Variants in TMEM163 observed in about 807,000 individuals in gnomAD.
TMEM163 encodes transmembrane protein 163.
A neutral mutation model predicts 29.3 loss-of-function variants in TMEM163; 17 were observed. The observed-to-expected ratio is 0.58, with a 90% CI of 0.40 to 0.87. TMEM163 has a LOEUF of 0.87. Ranked by LOEUF, TMEM163 falls within the 40% of genes least tolerant of loss-of-function variation. The pLI, the probability that TMEM163 is intolerant of heterozygous loss-of-function variation, is 0.00. For missense variants in TMEM163, 303 were observed against 381.5 expected (o/e 0.79, Z 1.71); for synonymous variants, 157 against 160.6 (o/e 0.98, Z 0.17).
At chr2:134,579,578 C>A (rs1279775374) in intron 2 of TMEM163, among the ~76,000 whole-genome samples, 3 of 151,618 alleles carry the variant, frequency 2.0e-5, no homozygotes, top group African/African-American at 4.8e-5. Context: ...CCTTTTTTTT[C>A]TTTTTCCTGT....
At chr2:134,715,865 T>C (rs1038482242) in intron 1 of TMEM163, among the ~76,000 whole-genome samples, 1 of 152,220 alleles carries the variant, frequency 6.6e-6, no homozygotes, top group African/African-American at 2.4e-5. Context: ...CTGGCCCCCA[T>C]ATTTGAATTT....
chr2:134,587,571 A>T (rs1681850409), intron 2 of TMEM163, among the ~76,000 whole-genome samples: 1 of 152,196 alleles, frequency 6.6e-6, no homozygotes. Flanking sequence ...GACACAAGAG[A>T]ACCCAGACAC....
chr2:134,502,778 C>A (rs890613465), intron 5 of TMEM163, 123 bp downstream of exon 5: 15 of 739,942 alleles, frequency 2.0e-5, no homozygotes, highest in Non-Finnish European at 3.3e-5. Context: ...GTTCTTCTGA[C>A]CCCCAGAATG....
intron 2 of TMEM163, among the ~76,000 whole-genome samples, chr2:134,560,837 A>G (rs1176393823): frequency 6.6e-6 from 1 of 152,238 alleles, no homozygotes; most frequent in Non-Finnish European, 1.5e-5. Context: ...GTTCCAAAGC[A>G]GGGATCGGCA....
Position 134,512,144 on chromosome 2 carries a change from G to T in TMEM163, c.459-9147C>A, listed in dbSNP as rs757900812. 3.2e-4 allele frequency among the ~76,000 whole-genome samples: 49 copies of T among 152,160 alleles called. 1 individual carries two copies. The highest frequency in any genetic ancestry group is 4.0e-4 in the Non-Finnish European group (27 of 68,038). On this transcript the variant is annotated intron_variant, in intron 4 of 7. Coordinates refer to ENST00000281924, the MANE Select transcript of TMEM163 (RefSeq NM_030923.5). ...CCTTTTCCTCCAAGTAGAGAAAGGG[G>T]GCATTTAAATCACACAAAAATATTC...
chr2:134,472,561 A>G (rs1347199264), intron 5 of TMEM163, among the ~76,000 whole-genome samples: 1 of 152,244 alleles, frequency 6.6e-6, no homozygotes, highest in Admixed American at 6.5e-5. Context: ...AAAAGTACAC[A>G]TCTACCCTTT....
chr2:134,632,980 G>A (rs551927105), intron 2 of TMEM163, among the ~76,000 whole-genome samples: 8 of 146,148 alleles, frequency 5.5e-5, no homozygotes, highest in African/African-American at 1.8e-4. Flanking sequence ...GGATGGTCTC[G>A]ATCTCCTGAC....
chr2:134,481,510 C>T (rs1434474629), intron 5 of TMEM163, among the ~76,000 whole-genome samples: 3 of 152,162 alleles, frequency 2.0e-5, no homozygotes, highest in African/African-American at 4.8e-5. Context: ...TGCCTTTCAC[C>T]TTCCACCATG....
intron 2 of TMEM163, among the ~76,000 whole-genome samples, chr2:134,562,227 C>T (rs990973039): frequency 6.6e-6 from 1 of 152,176 alleles, no homozygotes; most frequent in African/African-American, 2.4e-5. Flanking sequence ...TGCTCCTTGC[C>T]TTCTCCCAAG....
chr2:134,572,228 T>C (rs1307450059), intron 2 of TMEM163, among the ~76,000 whole-genome samples: 1 of 152,182 alleles, frequency 6.6e-6, no homozygotes, highest in East Asian at 1.9e-4. Flanking sequence ...AGAGAAGATG[T>C]CGTCAGCCAC....
At chr2:134,593,246 T>C (rs1681979157) in intron 2 of TMEM163, among the ~76,000 whole-genome samples, 1 of 152,182 alleles carries the variant, frequency 6.6e-6, no homozygotes. Context: ...TGTCAGCTTC[T>C]TGGAAAATAT....
At chr2:134,647,431 G>A (rs555324787) in intron 2 of TMEM163, among the ~76,000 whole-genome samples, 80 of 152,236 alleles carry the variant, frequency 5.3e-4, no homozygotes, top group African/African-American at 1.8e-3. Flanking sequence ...ACCAACCTCC[G>A]AAATCACTGA....
intron 2 of TMEM163, among the ~76,000 whole-genome samples, chr2:134,700,529 A>G (rs1684676574): frequency 6.6e-6 from 1 of 152,194 alleles, no homozygotes; most frequent in Non-Finnish European, 1.5e-5. Context: ...CCAGGGAAAT[A>G]TCGCAGGATG....
At chr2:134,661,162 GCT>G (rs10660772) in intron 2 of TMEM163, among the ~76,000 whole-genome samples, 20,272 of 150,082 alleles carry the variant, frequency 0.14, 1,922 homozygotes, top group African/African-American at 0.26. Context: ...GCTCTTGCTT[GCT>G]CTCTCTCTCT....
Position 134,455,995 on chromosome 2 carries a change from ATATT to A in TMEM163, c.*717_*720del, listed in dbSNP as rs1249842089. 4.6e-5 allele frequency: 7 copies of A among 152,678 alleles called. No individual in the cohort carries two copies. The highest frequency in any genetic ancestry group is 1.2e-4 in the African/African-American group (5 of 41,454). 9.5% of individuals were successfully genotyped at this position (152,678 alleles called of 1,614,324 possible). A position where few individuals can be genotyped will look rare whatever the true frequency, so the allele number is the denominator to read the frequency against. On this transcript the variant is annotated 3_prime_UTR_variant, in exon 8 of 8. Coordinates refer to ENST00000281924, the MANE Select transcript of TMEM163 (RefSeq NM_030923.5). ...AGATATATGCATATACGGATAGATTATATTTATTTATTACAAATAAACTGTAGTT... is the reference window on the plus strand; with the variant it reads ...AGATATATGCATATACGGATAGATTATATTTATTACAAATAAACTGTAGTT...
intron 2 of TMEM163, among the ~76,000 whole-genome samples, chr2:134,569,676 C>G (rs959879380): frequency 6.6e-6 from 1 of 151,978 alleles, no homozygotes; most frequent in Admixed American, 6.6e-5. Context: ...AGACATTCAT[C>G]AACTACCTCC....
chr2:134,693,755 A>T (rs1445806001), intron 2 of TMEM163, among the ~76,000 whole-genome samples: 2 of 152,172 alleles, frequency 1.3e-5, no homozygotes, highest in African/African-American at 4.8e-5. Flanking sequence ...TCTGTTGATG[A>T]CATGACTTAG....
chr2:134,530,624 C>T (rs1228172648), intron 4 of TMEM163, among the ~76,000 whole-genome samples: 2 of 152,076 alleles, frequency 1.3e-5, no homozygotes, highest in Non-Finnish European at 2.9e-5. Flanking sequence ...AGAAGGCTTC[C>T]TCAACAAATC....
At chr2:134,677,533 CG>C (rs1684142869) in intron 2 of TMEM163, among the ~76,000 whole-genome samples, 1 of 151,968 alleles carries the variant, frequency 6.6e-6, no homozygotes, top group African/African-American at 2.4e-5. Context: ...ATTCCTCTTG[CG>C]GGGAGCAGGG....
Sources: gnomAD v4.1 joint callset for allele counts (sites outside exome capture counted in the v4.1 genomes callset) on GRCh38, gnomAD v4.1.1 for gene constraint, MANE v1.5 for transcripts, NCBI Gene and HGNC (gene_info 2026-07-23, HGNC 2026-07-21) for gene names.